WDPCP: variants seen among roughly 807,000 people sequenced by gnomAD.
WDPCP encodes the protein WD repeat containing planar cell polarity effector, also known as WD repeat-containing and planar cell polarity effector protein fritz homolog.
In WDPCP, 71 loss-of-function variants were observed where a neutral mutation model predicts 93.1. The ratio of observed to expected loss-of-function variants is 0.76; its 90% CI spans 0.63 to 0.93. The LOEUF is 0.93. Among genes scored for constraint, WDPCP ranks in the 40% least tolerant of loss-of-function variants. The probability of loss-of-function intolerance (pLI) is 0.00; values close to 1 mark genes in which losing one functional copy is unlikely to be tolerated. For synonymous variants in WDPCP, 315 were observed against 315.0 expected (o/e 1.00, Z 0.00); for missense variants, 844 against 887.4 (o/e 0.95, Z 0.62).
chr2:63,487,573 G>C (rs1415177517), intron 2 of WDPCP, 79 bp from the exon 3 acceptor site: 20 of 1,016,578 alleles, frequency 2.0e-5, no homozygotes, highest in Non-Finnish European at 3.0e-5. Flanking sequence ...CTATATTAGG[G>C]GAAGGATAGG....
chr2:63,794,332 G>A (rs1253636077), intron 2 of WDPCP, among the ~76,000 whole-genome samples: 1 of 152,158 alleles, frequency 6.6e-6, no homozygotes, highest in East Asian at 1.9e-4. Context: ...ATTCAATCAA[G>A]AAAATCCTCT....
intron 2 of WDPCP, among the ~76,000 whole-genome samples, chr2:63,776,488 CTACAAAAAA>C (rs915592683): frequency 6.6e-6 from 1 of 151,564 alleles, no homozygotes; most frequent in African/African-American, 2.4e-5. Flanking sequence ...AACCCCATAT[CTACAAAAAA>C]TACAAAAAAT....
intron 15 of WDPCP, among the ~76,000 whole-genome samples, chr2:63,171,460 C>A (rs1233981845): frequency 2.0e-5 from 3 of 152,044 alleles, no homozygotes; most frequent in Non-Finnish European, 2.9e-5. Flanking sequence ...TAGGGAAATG[C>A]AAATTAAAGC....
At chr2:63,589,381 T>A, upstream of WDPCP, 1 of 1,550,574 alleles carries the variant, frequency 6.4e-7, no homozygotes, top group Non-Finnish European at 8.7e-7. Flanking sequence ...ATAAGGACGA[T>A]AAGGTTTGCG....
At chr2:63,707,650 C>T (rs1401660804) in intron 2 of WDPCP, among the ~76,000 whole-genome samples, 2 of 152,216 alleles carry the variant, frequency 1.3e-5, no homozygotes, top group African/African-American at 2.4e-5. Flanking sequence ...CTTCGTCCAG[C>T]TTTGTTCCGT....
At chr2:63,272,639 TA>T (rs1682753229) in intron 13 of WDPCP, among the ~76,000 whole-genome samples, 1 of 152,160 alleles carries the variant, frequency 6.6e-6, no homozygotes, top group Non-Finnish European at 1.5e-5. Context: ...AGATATCATT[TA>T]AAAAATTCTG....
chr2:63,235,735 T>TA (rs963334419), intron 14 of WDPCP, among the ~76,000 whole-genome samples: 24 of 150,964 alleles, frequency 1.6e-4, no homozygotes, highest in Middle Eastern at 3.4e-3. Context: ...TAAACAGAAT[T>TA]AAAAAAAAAC....
At chr2:63,475,350 A>G (rs1263501007) in intron 6 of WDPCP, among the ~76,000 whole-genome samples, 1 of 152,058 alleles carries the variant, frequency 6.6e-6, no homozygotes, top group Admixed American at 6.6e-5. Flanking sequence ...CTTCCTGCAA[A>G]GTCCAGCTAT....
chr2:63,532,056 G>A (rs1345490743), intron 1 of WDPCP, among the ~76,000 whole-genome samples: 1 of 152,110 alleles, frequency 6.6e-6, no homozygotes, highest in Non-Finnish European at 1.5e-5. Context: ...CGAGAACTAC[G>A]TGACGCATGC....
intron 15 of WDPCP, among the ~76,000 whole-genome samples, chr2:63,165,989 CT>C (rs1196650948): frequency 6.6e-6 from 1 of 151,178 alleles, no homozygotes; most frequent in East Asian, 1.9e-4. Flanking sequence ...GGCTTATGGA[CT>C]GGTTGCCTGT....
At chr2:63,250,311 G>C (rs564771365) in intron 14 of WDPCP, among the ~76,000 whole-genome samples, 2 of 152,146 alleles carry the variant, frequency 1.3e-5, no homozygotes, top group African/African-American at 4.8e-5. Flanking sequence ...AAATAGGACA[G>C]TGTGAGATTT....
chr2:63,252,326 C>A (rs1680798753), intron 14 of WDPCP, among the ~76,000 whole-genome samples: 1 of 152,150 alleles, frequency 6.6e-6, no homozygotes, highest in Admixed American at 6.5e-5. Context: ...TAGCCAACAT[C>A]ATACTAAATG....
chr2:63,231,060 G>T (rs1678827961), intron 14 of WDPCP, among the ~76,000 whole-genome samples: 1 of 152,040 alleles, frequency 6.6e-6, no homozygotes, highest in African/African-American at 2.4e-5. Context: ...CGATCAAGTG[G>T]GCTTCATCCC....
Position 63,599,180 on chromosome 2 carries a change from T to C in WDPCP, n.488+51479A>G. 6.2e-7 allele frequency: 1 copy of C among 1,613,670 alleles called. No individual in the cohort carries two copies. Among genetic ancestry groups the C allele is most frequent in the Non-Finnish European group, 8.5e-7 (1 of 1,179,668 alleles). The stretch of plus-strand genomic sequence containing the variant: ...TTCCATTCCTCCTAGGTTATTGTTG[T>C]GGGTAATCCAGCCAATACCAACTGC... On this transcript the variant is annotated intron_variant and non_coding_transcript_variant, in intron 3 of 4. Transcript: ENST00000467687.
At chr2:63,259,051 T>A (rs1325157924) in intron 14 of WDPCP, among the ~76,000 whole-genome samples, 1 of 152,202 alleles carries the variant, frequency 6.6e-6, no homozygotes, top group Non-Finnish European at 1.5e-5. Flanking sequence ...CAAAATCTTA[T>A]GAAAAGAATA....
At chr2:63,665,498 C>G (rs537378939) in intron 2 of WDPCP, among the ~76,000 whole-genome samples, 1 of 152,302 alleles carries the variant, frequency 6.6e-6, no homozygotes, top group South Asian at 2.1e-4. Flanking sequence ...ATGACCTAAT[C>G]ATAACTAATT....
chr2:63,415,133 G>A (rs928870536), intron 9 of WDPCP, among the ~76,000 whole-genome samples: 26 of 152,078 alleles, frequency 1.7e-4, no homozygotes, highest in African/African-American at 4.1e-4. Flanking sequence ...ATGCCAAGGC[G>A]GGAGGATTAC....
At chr2:63,737,832 T>C (rs1558898714) in intron 2 of WDPCP, among the ~76,000 whole-genome samples, 4 of 152,230 alleles carry the variant, frequency 2.6e-5, no homozygotes. Flanking sequence ...GAGTTACAAA[T>C]TGGCAGCCTG....
At chr2:63,433,069 T>G (rs941992571) in intron 9 of WDPCP, among the ~76,000 whole-genome samples, 1 of 152,154 alleles carries the variant, frequency 6.6e-6, no homozygotes. Context: ...GAGAATTCTG[T>G]AACCAAAGTA....
Sources: allele counts gnomAD v4.1 joint callset (sites outside exome capture counted in the v4.1 genomes callset), GRCh38; gene constraint gnomAD v4.1.1; transcripts MANE v1.5; gene names NCBI Gene and HGNC (gene_info 2026-07-23, HGNC 2026-07-21).